The following TXNDC12 variants were observed in gnomAD, a reference collection of about 807,000 sequenced individuals.
TXNDC12 encodes thioredoxin domain containing 12.
Under a neutral mutation model 24.2 loss-of-function variants are expected in TXNDC12, and 22 were observed. The ratio of observed to expected loss-of-function variants is 0.91; its 90% CI spans 0.65 to 1.30. The LOEUF (loss-of-function observed/expected upper bound fraction) is 1.30, where lower values mean the gene tolerates loss of function less well. Among genes scored for constraint, TXNDC12 ranks in the 50% most tolerant of loss-of-function variants. TXNDC12 has a pLI of 0.00. For synonymous variants in TXNDC12, 58 were observed against 73.4 expected (o/e 0.79, Z 1.07); for missense variants, 184 against 205.8 (o/e 0.89, Z 0.65).
intron 1 of TXNDC12, chr1:52,051,934 T>G (rs1371832713): frequency 5.9e-6 from 1 of 169,152 alleles, no homozygotes; most frequent in Non-Finnish European, 1.5e-5. Flanking sequence ...AAACAAAAGT[T>G]TGAAATAGTA....
At chr1:52,029,029 G>A (rs1459448641) in intron 2 of TXNDC12, among the ~76,000 whole-genome samples, 1 of 152,140 alleles carries the variant, frequency 6.6e-6, no homozygotes, top group African/African-American at 2.4e-5. Context: ...TGGGGTGGCT[G>A]AAATATGAGA....
At chr1:52,040,867 C>A (rs776691493) in intron 2 of TXNDC12, among the ~76,000 whole-genome samples, 29 of 151,282 alleles carry the variant, frequency 1.9e-4, no homozygotes, top group Non-Finnish European at 3.7e-4. Flanking sequence ...CCCGTCTCTA[C>A]TAAAAACTAC....
chr1:52,028,363 G>A (rs113832821), intron 3 of TXNDC12, among the ~76,000 whole-genome samples: 5 of 152,056 alleles, frequency 3.3e-5, no homozygotes, highest in Admixed American at 2.6e-4. Flanking sequence ...AATCCCATAC[G>A]TGACATAACT....
rs970143345 is a variant in TXNDC12 at position 52,033,906 on chromosome 1, A to G, written c.159-5276T>C. ...TTGTTTCTATGGAAACAGGAGTTCTACGCCAGCTAGGCCCAGGTTCAGCTT... is the reference window on the plus strand; with the variant it reads ...TTGTTTCTATGGAAACAGGAGTTCTGCGCCAGCTAGGCCCAGGTTCAGCTT... On this transcript the variant is annotated intron_variant, in intron 2 of 6. Coordinates refer to ENST00000371626, the MANE Select transcript of TXNDC12 (RefSeq NM_015913.4). 3.5e-6 allele frequency: 5 copies of G among 1,431,980 alleles called. No individual in the cohort carries two copies. The South Asian group carries it at 6.0e-5, about 17-fold the overall frequency. The allele number at this position is 1,431,980 out of a possible 1,614,324, so 88.7% of individuals were successfully genotyped here. A position where few individuals can be genotyped will look rare whatever the true frequency, so the allele number is the denominator to read the frequency against.
At chr1:52,044,430 A>G (rs1572009551) in intron 1 of TXNDC12, among the ~76,000 whole-genome samples, 1 of 152,236 alleles carries the variant, frequency 6.6e-6, no homozygotes, top group Non-Finnish European at 1.5e-5. Context: ...TTCTGGAGGA[A>G]AAGATTCTCC....
rs1685850646 is a variant in TXNDC12 at position 52,034,751 on chromosome 1, C to T, written c.159-6121G>A. Among the ~76,000 whole-genome samples, 2 of 151,352 alleles carry T rather than the reference C, an allele frequency of 1.3e-5. 1 individual carries two copies. The highest frequency in any genetic ancestry group is 4.2e-4 in the South Asian group (2 of 4,780). The stretch of plus-strand genomic sequence containing the variant: ...GTGAGCCAAGGTGCCTGGCCTGCAT[C>T]CTTTATTTTATTTTATTATTATTAT... On this transcript the variant is annotated intron_variant, in intron 2 of 6. Coordinates refer to ENST00000371626, the MANE Select transcript of TXNDC12 (RefSeq NM_015913.4).
intron 2 of TXNDC12, among the ~76,000 whole-genome samples, chr1:52,039,857 T>C (rs1685953660): frequency 6.6e-6 from 1 of 152,244 alleles, no homozygotes; most frequent in South Asian, 2.1e-4. Flanking sequence ...ATTTCTCCCT[T>C]CTGCAAATGG....
intron 2 of TXNDC12, among the ~76,000 whole-genome samples, chr1:52,029,106 C>A (rs1351457457): frequency 6.6e-6 from 1 of 151,984 alleles, no homozygotes. Context: ...CCAGCCTGGC[C>A]GACAGAACAG....
chr1:52,023,417 T>C, intron 6 of TXNDC12, 74 bp downstream of exon 6: 1 of 1,232,140 alleles, frequency 8.1e-7, no homozygotes, highest in Non-Finnish European at 1.2e-6. Flanking sequence ...TTTACTTTCC[T>C]ATCACAGACC....
In TXNDC12 at chr1:52,041,969, A is replaced by G. The variant is rs143433681; in HGVS notation, c.98-372T>C. On this transcript the variant is annotated intron_variant, in intron 1 of 6. Coordinates refer to ENST00000371626, the MANE Select transcript of TXNDC12 (RefSeq NM_015913.4). ...CATAACCAATTGAAGGTGATTCAGC[A>G]ATACAGCTTTAGATTCAGAAAGACC... Among the ~76,000 whole-genome samples the G allele has an allele frequency of 4.1e-3, 620 of 152,368 alleles. 4 individuals are homozygous for G. Among genetic ancestry groups the G allele is most frequent in the African/African-American group, 0.014 (596 of 41,588 alleles).
chr1:52,023,400 T>C, intron 6 of TXNDC12, 91 bp downstream of exon 6: 1 of 1,013,274 alleles, frequency 9.9e-7, no homozygotes, highest in Non-Finnish European at 1.5e-6. Flanking sequence ...TCAGCTAACA[T>C]GCTGAATTTA....
chr1:52,031,699 C>T (rs570391544), intron 2 of TXNDC12, among the ~76,000 whole-genome samples: 1 of 152,214 alleles, frequency 6.6e-6, no homozygotes. Flanking sequence ...CCACGTTGGC[C>T]AGGCTGGTCT....
At chr1:52,053,647 G>A (rs1686263870) in intron 1 of TXNDC12, among the ~76,000 whole-genome samples, 1 of 152,100 alleles carries the variant, frequency 6.6e-6, no homozygotes, top group African/African-American at 2.4e-5. Context: ...CCGAGCAACA[G>A]TGTGAGACTC....
chr1:52,040,098 A>G (rs967728146), intron 2 of TXNDC12, among the ~76,000 whole-genome samples: 6 of 151,798 alleles, frequency 4.0e-5, no homozygotes, highest in Admixed American at 3.3e-4. Context: ...ATGCCCAGGT[A>G]ATTTTTGTAT....
intron 2 of TXNDC12, chr1:52,033,062 C>G (rs749774837): frequency 1.1e-5 from 17 of 1,598,054 alleles, no homozygotes; most frequent in Non-Finnish European, 1.4e-5. Context: ...TCCTCTAGGC[C>G]CACCAAAGTG....
Position 52,023,647 on chromosome 1 carries a change from A to G in TXNDC12, c.356-73T>C, listed in dbSNP as rs1685633034. The G allele has an allele frequency of 5.1e-6, 6 of 1,167,800 alleles. No individual in the cohort carries two copies. The Admixed American group carries it at 1.0e-4, about 20-fold the overall frequency. 72.3% of individuals were successfully genotyped at this position (1,167,800 alleles called of 1,614,324 possible). ...AGGTACTTCAAACACTACCTGGTAC[A>G]TCGGGCCCTCTGGGAAATAAGATCT... is the stretch of plus-strand genomic sequence containing the variant. On this transcript the variant is annotated intron_variant, in intron 5 of 6. Transcript: ENST00000371626.
At chr1:52,046,604 C>T (rs12747785) in intron 1 of TXNDC12, among the ~76,000 whole-genome samples, 2 of 151,860 alleles carry the variant, frequency 1.3e-5, no homozygotes, top group Non-Finnish European at 1.5e-5. Flanking sequence ...GACTGGGTGT[C>T]GTGGCTCACG....
At chr1:52,033,775 G>C in intron 2 of TXNDC12, 2 of 1,560,896 alleles carry the variant, frequency 1.3e-6, no homozygotes, top group East Asian at 2.3e-5. Context: ...CTCAGGGAGC[G>C]ACCATTGGCA....
At chr1:52,026,421 T>C (rs896134834) in intron 4 of TXNDC12, among the ~76,000 whole-genome samples, 3 of 152,190 alleles carry the variant, frequency 2.0e-5, no homozygotes, top group Admixed American at 6.5e-5. Context: ...ATGAGGTATG[T>C]AAAAGCTATT....
Sources: allele counts gnomAD v4.1 joint callset (sites outside exome capture counted in the v4.1 genomes callset), GRCh38; gene constraint gnomAD v4.1.1; transcripts MANE v1.5; gene names NCBI Gene and HGNC (gene_info 2026-07-23, HGNC 2026-07-21).